Variants in SHANK1 observed in about 807,000 individuals in gnomAD.
The protein encoded by SHANK1 is SH3 and multiple ankyrin repeat domains protein 1.
Under a neutral mutation model 165.6 loss-of-function variants are expected in SHANK1, and 35 were observed. The ratio of observed to expected loss-of-function variants is 0.21; its 90% confidence interval spans 0.16 to 0.28. The LOEUF is 0.28. SHANK1 is among the 10% of genes least tolerant of loss of function. SHANK1 has a pLI of 1.00. For missense variants in SHANK1, 2,681 were observed against 3,036.4 expected (o/e 0.88, Z 2.75); for synonymous variants, 1,428 against 1,384.8 (o/e 1.03, Z -0.69).
intron 21 of SHANK1, among the ~76,000 whole-genome samples, chr19:50,676,669 CATT>C (rs1385928425): frequency 6.6e-6 from 1 of 152,118 alleles, no homozygotes; most frequent in Admixed American, 6.5e-5. Flanking sequence ...GAGTCATCAT[CATT>C]ATTTGCTTGC....
At chr19:50,699,648 C>T (rs1259597303) in intron 12 of SHANK1, among the ~76,000 whole-genome samples, 1 of 151,414 alleles carries the variant, frequency 6.6e-6, no homozygotes, top group Non-Finnish European at 1.5e-5. Flanking sequence ...TATCGGAGGA[C>T]TGGAGAATTG....
intron 12 of SHANK1, among the ~76,000 whole-genome samples, chr19:50,698,836 A>G (rs1986819373): frequency 6.6e-6 from 1 of 152,248 alleles, no homozygotes; most frequent in South Asian, 2.1e-4. Context: ...CAACGGCTTC[A>G]GTGCATGACA....
rs1456913017 is a variant in SHANK1 at position 50,719,611 on chromosome 19, C to T, written c.-249G>A. 6.7e-6 allele frequency among the ~76,000 whole-genome samples: 1 copy of T among 148,382 alleles called. No homozygotes were observed. Among genetic ancestry groups the T allele is most frequent in the African/African-American group, 2.5e-5 (1 of 40,656 alleles). On this transcript the variant is annotated 5_prime_UTR_variant, in exon 1 of 24. Transcript: ENST00000293441. The stretch of plus-strand genomic sequence containing the variant: ...CACCCCCCCCGCGGGCCGGGCCTGG[C>T]CATCCGCAGAGCGCCCCCCCTTCCG...
chr19:50,712,157 G>A, intron 6 of SHANK1, 43 bp from the exon 7 acceptor site: 1 of 1,541,136 alleles, frequency 6.5e-7, no homozygotes, highest in South Asian at 1.3e-5. Context: ...ACAGATGACA[G>A]TCACACATTA....
intron 21 of SHANK1, among the ~76,000 whole-genome samples, chr19:50,674,997 G>T (rs931951193): frequency 1.3e-5 from 2 of 150,944 alleles, no homozygotes; most frequent in Non-Finnish European, 2.9e-5. Context: ...GGGAGGCGGA[G>T]GTTGCAGTGA....
At chr19:50,705,631 C>T (rs1379204813) in intron 8 of SHANK1, among the ~76,000 whole-genome samples, 4 of 152,096 alleles carry the variant, frequency 2.6e-5, no homozygotes, top group Non-Finnish European at 4.4e-5. Flanking sequence ...ATGCCAGTAG[C>T]ACTCCCCTCC....
chr19:50,703,721 C>T lies in SHANK1; in HGVS notation c.1332G>A (p.Ala444=), dbSNP rs1182742999. 9 of 1,452,634 alleles carry T rather than the reference C, an allele frequency of 6.2e-6. No homozygotes were observed. Among genetic ancestry groups the T allele is most frequent in the African/African-American group, 2.9e-5 (2 of 70,052 alleles). 90.0% of individuals were successfully genotyped at this position (1,452,634 alleles called of 1,614,324 possible). Residue 444 remains alanine (A), a synonymous_variant, in exon 11 of 24, where the codon GCG becomes GCA. Transcript: ENST00000293441. ...CGGAGAACACCATCCAGTCGGGCAG[C>T]GCCATGCTGGTGTCACTGTTGGCCC... ...LLRANSDTSM[A]LPDWMVFSAP... is the part of the protein sequence containing the mutation.
Position 50,697,058 on chromosome 19 carries a change from C to A in SHANK1, c.1964+38G>T. On this transcript the variant is annotated intron_variant, in intron 15 of 23. Coordinates refer to ENST00000293441, the MANE Select transcript of SHANK1 (RefSeq NM_016148.5). The surrounding 1 kb of genome is among the most constrained non-coding windows in gnomAD (Gnocchi z 4.7). Reference sequence around the variant, plus strand: ...GCCCCCCAGGCACCCCGTCCTTCCCCTCCTGACCCCATCCCCTCCCTGCCC... The same window carrying A: ...GCCCCCCAGGCACCCCGTCCTTCCCATCCTGACCCCATCCCCTCCCTGCCC... 6.3e-7 allele frequency: 1 copy of A among 1,582,124 alleles called. No individual in the cohort carries two copies. The highest frequency in any genetic ancestry group is 8.7e-7 in the Non-Finnish European group (1 of 1,150,948).
In SHANK1 at chr19:50,688,715, G is replaced by C. The variant is rs1189861781; in HGVS notation, c.2172+129C>G. On this transcript the variant is annotated intron_variant, in intron 17 of 23. Coordinates refer to ENST00000293441, the MANE Select transcript of SHANK1 (RefSeq NM_016148.5). The surrounding 1 kb of genome is among the most constrained non-coding windows in gnomAD (Gnocchi z 6.7). ...GGGGAAAGCAGAGGCTGGCTGGGGG[G>C]TGGGCAGGGGGCTGGGAATCCTGGT... is the stretch of plus-strand genomic sequence containing the variant. 6.1e-6 allele frequency: 5 copies of C among 824,020 alleles called. No individual in the cohort carries two copies. The highest frequency in any genetic ancestry group is 7.6e-6 in the Non-Finnish European group (4 of 524,340). 51.0% of individuals were successfully genotyped at this position (824,020 alleles called of 1,614,324 possible). A position where few individuals can be genotyped will look rare whatever the true frequency, so the allele number is the denominator to read the frequency against.
intron 1 of SHANK1, among the ~76,000 whole-genome samples, chr19:50,719,112 C>T (rs1022614097): frequency 7.0e-6 from 1 of 142,806 alleles, no homozygotes; most frequent in South Asian, 2.2e-4. Context: ...GTACCAGGAC[C>T]GAGCCCTTGG....
chr19:50,684,725 A>G (rs1166748185), intron 21 of SHANK1, among the ~76,000 whole-genome samples: 1 of 152,202 alleles, frequency 6.6e-6, no homozygotes, highest in East Asian at 1.9e-4. Flanking sequence ...CCATGCCTGT[A>G]TCCCCAGTAG....
At chr19:50,701,929 G>A (rs746871802) in intron 12 of SHANK1, among the ~76,000 whole-genome samples, 41 of 152,120 alleles carry the variant, frequency 2.7e-4, no homozygotes, top group Non-Finnish European at 5.7e-4. Flanking sequence ...GGGAACCCTC[G>A]CCACGGCCAA....
At chr19:50,712,379 C>T (rs1382591117) in intron 6 of SHANK1, among the ~76,000 whole-genome samples, 1 of 152,244 alleles carries the variant, frequency 6.6e-6, no homozygotes. Context: ...CAGCCTTCCC[C>T]CTGGGGGCGA....
Position 50,718,117 on chromosome 19 carries a change from T to C in SHANK1, c.-43-1155A>G, listed in dbSNP as rs2089089794. On this transcript the variant is annotated intron_variant, in intron 1 of 23. Coordinates refer to ENST00000293441, the MANE Select transcript of SHANK1 (RefSeq NM_016148.5). This position sits in a 1 kb window ranked among gnomAD's most constrained non-coding sequence, Gnocchi z 5.1. ...GAGGGTACTGCTGACTTTGGGGGAG[T>C]GGGGATGGGCTGGGGGGTTGGGAAA... Among the ~76,000 whole-genome samples, 2 of 150,324 alleles carry C rather than the reference T, an allele frequency of 1.3e-5. No individual in the cohort carries two copies. Among genetic ancestry groups the C allele is most frequent in the African/African-American group, 4.9e-5 (2 of 40,712 alleles).
intron 16 of SHANK1, 35 bp from the exon 17 acceptor site, chr19:50,689,003 G>T: frequency 3.4e-6 from 5 of 1,460,724 alleles, no homozygotes; most frequent in African/African-American, 1.4e-5. Context: ...GGTCGGAGGG[G>T]AGGGGGTGGA....
chr19:50,693,138 C>T (rs1986596325), intron 15 of SHANK1, among the ~76,000 whole-genome samples: 1 of 151,844 alleles, frequency 6.6e-6, no homozygotes, highest in South Asian at 2.1e-4. Context: ...CTCCCGCCTG[C>T]ATTTACTGGC....
rs1049308622 is a variant in SHANK1, at chr19:50,662,194, G to C, written c.6257C>G (p.Pro2086Arg). ...LSPTRLLSLP[P>R]DKPFGAKPLG... ...AGGTTTAGCGCCAAACGGCTTGTCC[G>C]GGGGCAGCGAGAGCAGGCGGGTCGG... The change falls in exon 24 of 24, where the codon CCG becomes CGG. Residue 2086 changes from proline (P) to arginine (R), a missense_variant. Pro to Arg is a moderately radical substitution (Grantham distance 103, BLOSUM62 -2). Around this residue, in one of 10 missense-constraint regions of SHANK1, gnomAD observed 1,713 missense variants for 1,630.2 expected, o/e 1.05. Coordinates refer to ENST00000293441, the MANE Select transcript of SHANK1 (RefSeq NM_016148.5). The surrounding 1 kb of genome is among the most constrained non-coding windows in gnomAD (Gnocchi z 7.7). 4 of 1,609,370 alleles carry C rather than the reference G, an allele frequency of 2.5e-6. No individual in the cohort carries two copies. The African/African-American group carries it at 4.0e-5, about 16-fold the overall frequency.
intron 21 of SHANK1, among the ~76,000 whole-genome samples, chr19:50,681,298 C>G (rs1050786333): frequency 6.6e-6 from 1 of 152,024 alleles, no homozygotes; most frequent in African/African-American, 2.4e-5. Context: ...GGGACAGATC[C>G]AAGAGGTGAG....
At chr19:50,689,515 C>T in intron 15 of SHANK1, 1 of 655,746 alleles carries the variant, frequency 1.5e-6, no homozygotes, top group South Asian at 1.7e-5. Context: ...TTCATCCATC[C>T]ATGCATCCAT....
Sources: gnomAD v4.1 joint callset for allele counts (sites outside exome capture counted in the v4.1 genomes callset) on GRCh38, gnomAD v4.1.1 for gene constraint, gnomAD v4.1.1 regional missense constraint, Gnocchi (gnomAD v3.1) non-coding constraint, MANE v1.5 for transcripts, NCBI Gene and HGNC (gene_info 2026-07-23, HGNC 2026-07-21) for gene names.